The following TFCP2 variants were observed in gnomAD, a reference collection of about 807,000 sequenced individuals.
The protein encoded by TFCP2 is transcription factor CP2, also known as alpha-globin transcription factor CP2.
A neutral mutation model predicts 73.4 loss-of-function variants in TFCP2; 33 were observed. The observed-to-expected ratio is 0.45, with a 90% CI of 0.34 to 0.60. The LOEUF (loss-of-function observed/expected upper bound fraction) is 0.60, where lower values mean the gene tolerates loss of function less well. Ranked by LOEUF, TFCP2 falls within the 20% of genes least tolerant of loss-of-function variation. The pLI, the probability that TFCP2 is intolerant of heterozygous loss-of-function variation, is 0.01. For synonymous variants in TFCP2, 193 were observed against 211.6 expected (o/e 0.91, Z 0.76); for missense variants, 352 against 604.0 (o/e 0.58, Z 4.37).
chr12:51,099,487 AAAAAAG>A, intron 12 of TFCP2, among the ~76,000 whole-genome samples, 162 bp downstream of exon 12: 1 of 152,310 alleles, frequency 6.6e-6, no homozygotes, highest in South Asian at 2.1e-4. Context: ...CAAAAAAAAA[AAAAAAG>A]AATGGCACCT....
chr12:51,102,592 G>T (rs1338158597), intron 10 of TFCP2, among the ~76,000 whole-genome samples: 1 of 152,118 alleles, frequency 6.6e-6, no homozygotes, highest in East Asian at 1.9e-4. Context: ...CGGGTGTGGT[G>T]GTGGGTGCCT....
At chr12:51,135,113 G>GA (rs11338328) in intron 1 of TFCP2, among the ~76,000 whole-genome samples, 7 of 144,704 alleles carry the variant, frequency 4.8e-5, no homozygotes, top group African/African-American at 1.0e-4. Context: ...GTCTCAAAAA[G>GA]AAAAAAAAAA....
chr12:51,155,494 C>A (rs1224825259), intron 1 of TFCP2, among the ~76,000 whole-genome samples: 2 of 152,162 alleles, frequency 1.3e-5, no homozygotes, highest in African/African-American at 4.8e-5. Context: ...CCATTTGACA[C>A]GACTAACAAC....
intron 1 of TFCP2, among the ~76,000 whole-genome samples, chr12:51,146,307 CA>C (rs953446941): frequency 2.3e-4 from 33 of 146,334 alleles, no homozygotes; most frequent in South Asian, 8.6e-4. Flanking sequence ...GATCCTATCT[CA>C]AAAAAAAAAT....
rs1330485928 is a variant in TFCP2, at chr12:51,128,492, AC to A, written c.123-9721del. 9.0e-3 allele frequency among the ~76,000 whole-genome samples: 1,229 copies of A among 136,750 alleles called. 4 individuals carry two copies. Among genetic ancestry groups the A allele is most frequent in the African/African-American group, 0.02 (728 of 36,852 alleles). The allele number at this position is 136,750 out of a possible 152,430, so 89.7% of individuals were successfully genotyped here. On this transcript the variant is annotated intron_variant, in intron 1 of 14. Transcript: ENST00000257915. ...AAGTATAATAATAAAAAAAAAAAAA[AC>A]AAAAAAAACAAACTAGTATTGGGAA...
intron 1 of TFCP2, among the ~76,000 whole-genome samples, chr12:51,149,339 G>C (rs1234993752): frequency 6.6e-6 from 1 of 151,848 alleles, no homozygotes; most frequent in African/African-American, 2.4e-5. Flanking sequence ...TCAGGTGATA[G>C]GTGCACTACA....
At chr12:51,134,529 G>A (rs994224295) in intron 1 of TFCP2, among the ~76,000 whole-genome samples, 6 of 152,010 alleles carry the variant, frequency 3.9e-5, no homozygotes, top group South Asian at 2.1e-4. Context: ...CAAGCGATCC[G>A]CCAGCCTCAG....
intron 1 of TFCP2, among the ~76,000 whole-genome samples, chr12:51,122,512 G>A (rs1415945762): frequency 6.6e-6 from 1 of 151,912 alleles, no homozygotes; most frequent in Non-Finnish European, 1.5e-5. Flanking sequence ...GCCCATCTCG[G>A]CCTCCCAAAG....
Position 51,103,755 on chromosome 12 carries a change from T to G in TFCP2, c.975A>C (p.Leu325Phe). ...EPPPPVTDNLLPTTTPQEAQQ... is the reference protein window; with the variant it reads ...EPPPPVTDNLFPTTTPQEAQQ... ...GAGCTTCCTGAGGTGTGGTTGTTGG[T>G]AAGAGGTTCTGAAAGGGAGAGCACG... The change falls in exon 10 of 15, where the codon TTA becomes TTC. Residue 325 changes from leucine to phenylalanine, a missense_variant. This residue lies in a region of TFCP2 where 194 missense variants were observed against 256.3 expected (regional missense o/e 0.76). Transcript: ENST00000257915. The G allele has an allele frequency of 1.2e-6, 2 of 1,612,904 alleles. No homozygotes were observed. Among genetic ancestry groups the G allele is most frequent in the Non-Finnish European group, 1.7e-6 (2 of 1,179,658 alleles).
chr12:51,149,783 T>C (rs1330194891), intron 1 of TFCP2, among the ~76,000 whole-genome samples: 1 of 152,020 alleles, frequency 6.6e-6, no homozygotes, highest in Non-Finnish European at 1.5e-5. Context: ...GCATTTTTAG[T>C]AGAGACGGGG....
At chr12:51,168,302 A>T (rs1941794562) in intron 1 of TFCP2, among the ~76,000 whole-genome samples, 1 of 151,944 alleles carries the variant, frequency 6.6e-6, no homozygotes, top group South Asian at 2.1e-4. Flanking sequence ...AGCCTAGGGG[A>T]CAGCTACTTG....
intron 1 of TFCP2, among the ~76,000 whole-genome samples, chr12:51,159,686 C>T (rs993414896): frequency 5.9e-5 from 9 of 152,054 alleles, no homozygotes; most frequent in Admixed American, 3.9e-4. Flanking sequence ...CAGGGTATCA[C>T]TATGTTGCCC....
chr12:51,155,160 C>T (rs1379303869), intron 1 of TFCP2, among the ~76,000 whole-genome samples: 1 of 152,196 alleles, frequency 6.6e-6, no homozygotes, highest in Non-Finnish European at 1.5e-5. Context: ...CCTTTGGACC[C>T]CAGGACTTAC....
chr12:51,148,712 A>G (rs371303059), intron 1 of TFCP2, among the ~76,000 whole-genome samples: 5 of 149,174 alleles, frequency 3.4e-5, no homozygotes, highest in Non-Finnish European at 3.0e-5. Flanking sequence ...AAAAAAAAAA[A>G]AAAGAAAAAG....
At chr12:51,122,164 T>C (rs1404603279) in intron 1 of TFCP2, among the ~76,000 whole-genome samples, 1 of 152,132 alleles carries the variant, frequency 6.6e-6, no homozygotes, top group Non-Finnish European at 1.5e-5. Context: ...TTTCTTTCTG[T>C]TGATGTCTGA....
intron 1 of TFCP2, among the ~76,000 whole-genome samples, chr12:51,141,203 A>C (rs75449084): frequency 1.3e-5 from 2 of 150,514 alleles, no homozygotes; most frequent in Non-Finnish European, 3.0e-5. Context: ...AGTAGCTGGG[A>C]CCAAAAAAAA....
At chr12:51,162,328 C>T (rs1184739251) in intron 1 of TFCP2, among the ~76,000 whole-genome samples, 1 of 152,024 alleles carries the variant, frequency 6.6e-6, no homozygotes, top group Non-Finnish European at 1.5e-5. Flanking sequence ...TGGCTGTAGT[C>T]CCCGCTACGC....
chr12:51,160,683 T>C (rs1291211631), intron 1 of TFCP2, among the ~76,000 whole-genome samples: 1 of 152,136 alleles, frequency 6.6e-6, no homozygotes, highest in Admixed American at 6.5e-5. Flanking sequence ...AAAGTAACTA[T>C]TGAGATGGCA....
chr12:51,101,085 C>T (rs1033222530), intron 11 of TFCP2, among the ~76,000 whole-genome samples: 10 of 152,110 alleles, frequency 6.6e-5, no homozygotes, highest in African/African-American at 2.2e-4. Flanking sequence ...GGGTGGATCA[C>T]GAGATCAGGA....
Sources: allele counts gnomAD v4.1 joint callset (sites outside exome capture counted in the v4.1 genomes callset), GRCh38; gene constraint gnomAD v4.1.1; regional missense constraint gnomAD v4.1.1; transcripts MANE v1.5; gene names NCBI Gene and HGNC (gene_info 2026-07-23, HGNC 2026-07-21).